The following PLEKHG1 variants were observed in gnomAD, a reference collection of about 807,000 sequenced individuals.
PLEKHG1 encodes the protein pleckstrin homology and RhoGEF domain containing G1, also known as pleckstrin homology domain-containing family G member 1.
Under a neutral mutation model 100.8 loss-of-function variants are expected in PLEKHG1, and 44 were observed. That is an observed-to-expected ratio of 0.44 (90% CI 0.34 to 0.56). The LOEUF (loss-of-function observed/expected upper bound fraction) is 0.56, where lower values mean the gene tolerates loss of function less well. PLEKHG1 is among the 20% of genes least tolerant of loss of function. The pLI, the probability that PLEKHG1 is intolerant of heterozygous loss-of-function variation, is 0.01. For synonymous variants in PLEKHG1, 640 were observed against 662.5 expected, an observed-to-expected ratio of 0.97 and a Z score of 0.52; for missense variants, 1,545 against 1,720.9, an observed-to-expected ratio of 0.90 and a Z score of 1.81.
chr6:150,633,513 C>T (rs1777850601), intron 1 of PLEKHG1, among the ~76,000 whole-genome samples: 1 of 152,112 alleles, frequency 6.6e-6, no homozygotes, highest in African/African-American at 2.4e-5. Flanking sequence ...TAGCCAAGAG[C>T]CTGTCATGGA....
At chr6:150,792,448 C>T (rs933427466) in intron 4 of PLEKHG1, among the ~76,000 whole-genome samples, 3 of 151,606 alleles carry the variant, frequency 2.0e-5, no homozygotes, top group Admixed American at 6.6e-5. Context: ...CCAAGGCAGG[C>T]GATCACCTGA....
At chr6:150,734,976 G>A (rs1257065967) in intron 2 of PLEKHG1, among the ~76,000 whole-genome samples, 1 of 142,620 alleles carries the variant, frequency 7.0e-6, no homozygotes, top group Non-Finnish European at 1.5e-5. Context: ...TATCTCAAGG[G>A]CAGATTTTTT....
At position 150,698,410 on chromosome 6, in the gene PLEKHG1, G is replaced by T. The variant is rs74912835; in HGVS notation, c.-98-35174G>T. ...TTTGAAAGATACCAATGTTGATCAC[G>T]TTATGACAATTTTGTTAGTTAAGGA... On this transcript the variant is annotated intron_variant, in intron 3 of 3. Transcript: ENST00000367326. Among the ~76,000 whole-genome samples the T allele has an allele frequency of 4.2e-3, 637 of 152,158 alleles. 13 individuals carry two copies. In the East Asian group the frequency reaches 0.042, roughly 10 times the overall value.
At chr6:150,816,516 C>A (rs111891154) in intron 10 of PLEKHG1, among the ~76,000 whole-genome samples, 8 of 151,284 alleles carry the variant, frequency 5.3e-5, no homozygotes, top group African/African-American at 1.9e-4. Context: ...TTAGTAGAGA[C>A]GGTTTCACCG....
intron 3 of PLEKHG1, among the ~76,000 whole-genome samples, chr6:150,669,383 TC>T (rs1779509249): frequency 6.6e-6 from 1 of 152,134 alleles, no homozygotes; most frequent in Non-Finnish European, 1.5e-5. Flanking sequence ...TAGTTTGATG[TC>T]TAACTCCCTT....
intron 3 of PLEKHG1, among the ~76,000 whole-genome samples, chr6:150,692,116 A>G (rs1780368923): frequency 1.3e-5 from 2 of 152,254 alleles, no homozygotes; most frequent in African/African-American, 2.4e-5. Flanking sequence ...CTCACCCCAT[A>G]TAAGGCCTAG....
chr6:150,807,429 C>A (rs1183159871), intron 7 of PLEKHG1, among the ~76,000 whole-genome samples: 1 of 152,114 alleles, frequency 6.6e-6, no homozygotes, highest in South Asian at 2.1e-4. Context: ...CATTTCTGTT[C>A]ATTTCTGTTT....
intron 3 of PLEKHG1, among the ~76,000 whole-genome samples, chr6:150,706,628 C>A (rs893097259): frequency 1.0e-4 from 14 of 134,458 alleles, no homozygotes; most frequent in Non-Finnish European, 1.8e-4. Flanking sequence ...AAAAAAAAAT[C>A]AAAAACAAAA....
At chr6:150,778,653 C>T (rs1379487294) in intron 3 of PLEKHG1, among the ~76,000 whole-genome samples, 1 of 152,162 alleles carries the variant, frequency 6.6e-6, no homozygotes, top group Non-Finnish European at 1.5e-5. Context: ...AGATCATAAA[C>T]ACATGGGACA....
chr6:150,670,526 C>T (rs1192285369), intron 3 of PLEKHG1, among the ~76,000 whole-genome samples: 1 of 152,184 alleles, frequency 6.6e-6, no homozygotes, highest in Non-Finnish European at 1.5e-5. Context: ...TGAGCATGGG[C>T]GCCCCCTGGA....
intron 4 of PLEKHG1, among the ~76,000 whole-genome samples, chr6:150,793,009 A>G (rs1583141379): frequency 6.6e-6 from 1 of 152,222 alleles, no homozygotes; most frequent in Non-Finnish European, 1.5e-5. Flanking sequence ...ATGGAAACTC[A>G]TTAAATAGGC....
chr6:150,713,372 T>C (rs1781307874), intron 3 of PLEKHG1, among the ~76,000 whole-genome samples: 1 of 152,196 alleles, frequency 6.6e-6, no homozygotes, highest in South Asian at 2.1e-4. Context: ...TTGGCCTTTA[T>C]AAATATCTCC....
exon 16 of PLEKHG1, chr6:150,840,429 C>G (rs780984120): frequency 3.5e-5 from 57 of 1,614,138 alleles, no homozygotes; most frequent in Non-Finnish European, 4.7e-5. Context: ...TGACTCGCAT[C>G]AACAGGGCAC....
chr6:150,625,502 T>C (rs1777472471), intron 1 of PLEKHG1, among the ~76,000 whole-genome samples: 1 of 152,106 alleles, frequency 6.6e-6, no homozygotes, highest in African/African-American at 2.4e-5. Flanking sequence ...CTCTCTCTTT[T>C]TTTTTAAGTG....
intron 10 of PLEKHG1, among the ~76,000 whole-genome samples, chr6:150,817,778 G>A (rs1382093373): frequency 1.3e-5 from 2 of 151,926 alleles, no homozygotes; most frequent in African/African-American, 2.4e-5. Context: ...GGCTGGTCTT[G>A]AACTCCTGAC....
intron 4 of PLEKHG1, among the ~76,000 whole-genome samples, chr6:150,787,428 A>T (rs1021069561): frequency 1.3e-5 from 2 of 152,220 alleles, no homozygotes; most frequent in Non-Finnish European, 2.9e-5. Flanking sequence ...GCTGCCTAGT[A>T]TATAGAGATT....
chr6:150,832,122 C>T (rs1409499267), exon 15 of PLEKHG1: 12 of 1,613,848 alleles, frequency 7.4e-6, no homozygotes, highest in Middle Eastern at 1.6e-4. Flanking sequence ...CTGGAGCAGC[C>T]GCCGGCCAGT....
At chr6:150,722,457 G>A (rs554132805) in intron 1 of PLEKHG1, among the ~76,000 whole-genome samples, 2 of 145,224 alleles carry the variant, frequency 1.4e-5, no homozygotes, top group Non-Finnish European at 3.0e-5. Context: ...GGGTTCAAGC[G>A]ATTCTCCTGC....
At chr6:150,700,323 C>G (rs2071927817) in intron 3 of PLEKHG1, among the ~76,000 whole-genome samples, 1 of 152,150 alleles carries the variant, frequency 6.6e-6, no homozygotes, top group African/African-American at 2.4e-5. Context: ...AAATGTGTCC[C>G]CAGGACCAGT....
Sources: gnomAD v4.1 joint callset for allele counts (sites outside exome capture counted in the v4.1 genomes callset) on GRCh38, gnomAD v4.1.1 for gene constraint, MANE v1.5 for transcripts, NCBI Gene and HGNC (gene_info 2026-07-23, HGNC 2026-07-21) for gene names.